Variants in RALGAPA2 observed in about 807,000 individuals in gnomAD.
RALGAPA2 encodes Ral GTPase activating protein catalytic subunit alpha 2.
A neutral mutation model predicts 230.4 loss-of-function variants in RALGAPA2; 139 were observed. That is an observed-to-expected ratio of 0.60 (90% CI 0.53 to 0.69). The LOEUF (loss-of-function observed/expected upper bound fraction) is 0.69. RALGAPA2 is among the 30% of genes least tolerant of loss of function. RALGAPA2 has a pLI of 0.00. For synonymous variants in RALGAPA2, 847 were observed against 837.8 expected, an observed-to-expected ratio of 1.01 and a Z score of -0.19; for missense variants, 2,163 against 2,276.0, an observed-to-expected ratio of 0.95 and a Z score of 1.01.
chr20:20,644,240 T>TA (rs2067136012), intron 4 of RALGAPA2, among the ~76,000 whole-genome samples: 1 of 152,212 alleles, frequency 6.6e-6, no homozygotes, highest in Non-Finnish European at 1.5e-5. Flanking sequence ...GATGATCTTT[T>TA]AAAACAGAAA....
At chr20:20,515,268 C>G (rs1009689373) in intron 31 of RALGAPA2, among the ~76,000 whole-genome samples, 5 of 152,178 alleles carry the variant, frequency 3.3e-5, no homozygotes, top group African/African-American at 9.7e-5. Context: ...AACCTGCCGA[C>G]AGAAGTGCAT....
chr20:20,501,249 T>C (rs1319329317), intron 35 of RALGAPA2, among the ~76,000 whole-genome samples: 2 of 152,240 alleles, frequency 1.3e-5, no homozygotes, highest in Non-Finnish European at 2.9e-5. Flanking sequence ...AAGTGGTAGA[T>C]AGAAACTTCT....
At chr20:20,702,134 T>G (rs936918509) in intron 1 of RALGAPA2, among the ~76,000 whole-genome samples, 5 of 151,662 alleles carry the variant, frequency 3.3e-5, no homozygotes, top group African/African-American at 1.2e-4. Context: ...CAAAGTGCTG[T>G]GGGAATTCTG....
At chr20:20,564,207 T>C (rs1049481911) in intron 23 of RALGAPA2, among the ~76,000 whole-genome samples, 3 of 152,238 alleles carry the variant, frequency 2.0e-5, no homozygotes, top group African/African-American at 7.2e-5. Flanking sequence ...TCTACGCATA[T>C]ATCTGGCATT....
At chr20:20,411,870 A>G (rs1240207154) in intron 38 of RALGAPA2, among the ~76,000 whole-genome samples, 157 bp downstream of exon 38, 2 of 152,226 alleles carry the variant, frequency 1.3e-5, no homozygotes, top group Non-Finnish European at 2.9e-5. Context: ...AAAACAAATT[A>G]AAATGAATGT....
At chr20:20,424,063 A>C (rs1288642406) in intron 37 of RALGAPA2, among the ~76,000 whole-genome samples, 1 of 152,246 alleles carries the variant, frequency 6.6e-6, no homozygotes, top group Non-Finnish European at 1.5e-5. Flanking sequence ...TCCTTCCGGC[A>C]TAGGGAGCTG....
At chr20:20,473,677 T>C (rs998836256) in intron 36 of RALGAPA2, among the ~76,000 whole-genome samples, 2 of 152,194 alleles carry the variant, frequency 1.3e-5, no homozygotes, top group African/African-American at 4.8e-5. Context: ...TTTTCTTAGC[T>C]GAACCCATTT....
At chr20:20,604,871 G>T (rs1032546912) in intron 15 of RALGAPA2, among the ~76,000 whole-genome samples, 2 of 152,144 alleles carry the variant, frequency 1.3e-5, no homozygotes, top group Middle Eastern at 3.2e-3. Context: ...CAGTTCACTA[G>T]GTTATTATGA....
intron 15 of RALGAPA2, among the ~76,000 whole-genome samples, chr20:20,604,415 A>T (rs145959089): frequency 6.6e-6 from 1 of 152,346 alleles, no homozygotes; most frequent in African/African-American, 2.4e-5. Context: ...AACAAAGCCA[A>T]AATAGCTCCC....
chr20:20,446,235 C>T (rs1445446665), intron 37 of RALGAPA2, among the ~76,000 whole-genome samples: 1 of 152,048 alleles, frequency 6.6e-6, no homozygotes, highest in African/African-American at 2.4e-5. Context: ...TGAGATATCC[C>T]CCTCTCAACT....
chr20:20,561,220 C>G (rs1422552385), intron 23 of RALGAPA2, among the ~76,000 whole-genome samples: 3 of 152,248 alleles, frequency 2.0e-5, no homozygotes, highest in Non-Finnish European at 2.9e-5. Context: ...TAGAATCTAC[C>G]TATTAGTCCT....
chr20:20,522,241 G>C (rs1348570952), intron 30 of RALGAPA2, among the ~76,000 whole-genome samples: 1 of 135,682 alleles, frequency 7.4e-6, no homozygotes, highest in Admixed American at 7.8e-5. Context: ...AAATGCATAC[G>C]TATATGTACA....
In RALGAPA2 at chr20:20,512,692, T is replaced by C. The variant is rs555401831; in HGVS notation, c.4677A>G (p.Glu1559=). The change falls in exon 32 of 40, where the codon GAA becomes GAG. Residue 1559 remains glutamate (E), a synonymous_variant. Coordinates refer to ENST00000202677, the MANE Select transcript of RALGAPA2 (RefSeq NM_020343.4). The part of the protein sequence containing the change: ...PCGMNYDQEK[E]IIEVILRQNA... ...TTTGGCGCAAAATGACCTCAATGATTTCCTTCTCTTGGTCATAGTTCATGC... is the reference window on the plus strand; with the variant it reads ...TTTGGCGCAAAATGACCTCAATGATCTCCTTCTCTTGGTCATAGTTCATGC... 1 of 1,614,014 alleles carries C rather than the reference T, an allele frequency of 6.2e-7. No individual in the cohort carries two copies. Among genetic ancestry groups the C allele is most frequent in the Middle Eastern group, 1.6e-4 (1 of 6,062 alleles).
At chr20:20,486,239 A>ATTT (rs746713884) in intron 36 of RALGAPA2, among the ~76,000 whole-genome samples, 1 of 143,560 alleles carries the variant, frequency 7.0e-6, no homozygotes, top group Admixed American at 6.9e-5. Flanking sequence ...GACTTCTATA[A>ATTT]TTTTTTTTTT....
intron 37 of RALGAPA2, among the ~76,000 whole-genome samples, chr20:20,460,095 C>T (rs1393507642): frequency 2.0e-5 from 3 of 152,192 alleles, no homozygotes; most frequent in Non-Finnish European, 4.4e-5. Context: ...AGCATGGCCA[C>T]CCTGATTTAC....
chr20:20,642,235 GA>G (rs1251756563), intron 5 of RALGAPA2, among the ~76,000 whole-genome samples: 1 of 151,080 alleles, frequency 6.6e-6, no homozygotes, highest in East Asian at 2.0e-4. Flanking sequence ...TCGGGGGATG[GA>G]GTTTCACTCT....
intron 37 of RALGAPA2, among the ~76,000 whole-genome samples, chr20:20,453,119 T>C (rs1459337038): frequency 6.6e-6 from 1 of 152,228 alleles, no homozygotes; most frequent in Non-Finnish European, 1.5e-5. Flanking sequence ...TACATTAAAA[T>C]AGGATCATAA....
At chr20:20,511,474 C>G (rs2062703049) in intron 32 of RALGAPA2, 149 bp from the exon 33 acceptor site, 2 of 1,303,270 alleles carry the variant, frequency 1.5e-6, no homozygotes, top group South Asian at 1.6e-5. Flanking sequence ...AGAATGAACT[C>G]CATCCTCCTT....
intron 26 of RALGAPA2, among the ~76,000 whole-genome samples, chr20:20,532,507 G>T (rs2063391989): frequency 6.6e-6 from 1 of 152,196 alleles, no homozygotes; most frequent in African/African-American, 2.4e-5. Flanking sequence ...GAAAACCTGG[G>T]GGAATGGTGG....
Sources: gnomAD v4.1 joint callset for allele counts (sites outside exome capture counted in the v4.1 genomes callset) on GRCh38, gnomAD v4.1.1 for gene constraint, MANE v1.5 for transcripts, NCBI Gene and HGNC (gene_info 2026-07-23, HGNC 2026-07-21) for gene names.